The following CARMIL1 variants were observed in gnomAD, a reference collection of about 807,000 sequenced individuals.
The protein encoded by CARMIL1 is F-actin-uncapping protein LRRC16A.
CARMIL1 carries 90 observed loss-of-function variants against 177.1 expected under a neutral mutation model. That is an observed-to-expected ratio of 0.51 (90% CI 0.43 to 0.61). The LOEUF is 0.61. Ranked by LOEUF, CARMIL1 falls within the 20% of genes least tolerant of loss-of-function variation. CARMIL1 has a pLI of 0.00. For missense variants in CARMIL1, 1,380 were observed against 1,667.0 expected (o/e 0.83, Z 3.00); for synonymous variants, 577 against 606.2 (o/e 0.95, Z 0.71).
intron 23 of CARMIL1, among the ~76,000 whole-genome samples, chr6:25,521,264 G>C (rs1474957223): frequency 6.6e-6 from 1 of 152,198 alleles, no homozygotes; most frequent in Non-Finnish European, 1.5e-5. Flanking sequence ...AGCAGGCTTG[G>C]GGGGAAGCTA....
chr6:25,434,848 C>A (rs1797096807), intron 4 of CARMIL1, among the ~76,000 whole-genome samples: 1 of 152,140 alleles, frequency 6.6e-6, no homozygotes, highest in Non-Finnish European at 1.5e-5. Context: ...CTGTGCCCTG[C>A]CGATCGAAAC....
chr6:25,282,477 G>A (rs1781212836), intron 1 of CARMIL1, among the ~76,000 whole-genome samples: 2 of 152,092 alleles, frequency 1.3e-5, no homozygotes, highest in Non-Finnish European at 2.9e-5. Flanking sequence ...AGATTTCCAT[G>A]CTGTTCTTTA....
At chr6:25,591,492 C>T (rs372062800) in intron 31 of CARMIL1, among the ~76,000 whole-genome samples, 1 of 152,192 alleles carries the variant, frequency 6.6e-6, no homozygotes, top group Non-Finnish European at 1.5e-5. Flanking sequence ...AACAGCTGTT[C>T]TACCCTTTTC....
At chr6:25,345,083 C>A (rs1787362530) in intron 2 of CARMIL1, among the ~76,000 whole-genome samples, 1 of 152,118 alleles carries the variant, frequency 6.6e-6, no homozygotes, top group South Asian at 2.1e-4. Context: ...CAAGTTTGCA[C>A]CTTAACTCAC....
At chr6:25,616,609 G>GCATA (rs984563986) in intron 36 of CARMIL1, among the ~76,000 whole-genome samples, 2 of 151,984 alleles carry the variant, frequency 1.3e-5, no homozygotes, top group South Asian at 2.1e-4. Context: ...ATACATACAC[G>GCATA]CATACATACA....
intron 2 of CARMIL1, among the ~76,000 whole-genome samples, chr6:25,391,557 A>AG (rs1208334658): frequency 1.3e-5 from 2 of 152,234 alleles, no homozygotes; most frequent in Non-Finnish European, 2.9e-5. Context: ...TTTCTTCTTC[A>AG]GGGGCCTTGT....
intron 2 of CARMIL1, among the ~76,000 whole-genome samples, chr6:25,337,694 C>T (rs1438161818): frequency 1.3e-5 from 2 of 152,138 alleles, no homozygotes; most frequent in Non-Finnish European, 2.9e-5. Context: ...TGAGGCCAGC[C>T]AGGAATGAAG....
chr6:25,317,562 C>CTTTTTTTTTTTTT (rs33992407), intron 2 of CARMIL1, among the ~76,000 whole-genome samples: 2 of 107,160 alleles, frequency 1.9e-5, no homozygotes, highest in Non-Finnish European at 3.5e-5. Context: ...TTACTTAGGA[C>CTTTTTTTTTTTTT]TTTTTTTTTT....
chr6:25,417,937 AAG>A (rs1397544168), intron 2 of CARMIL1, among the ~76,000 whole-genome samples: 1 of 152,052 alleles, frequency 6.6e-6, no homozygotes, highest in African/African-American at 2.4e-5. Context: ...ATGCTCGACA[AAG>A]AGTAGCAACG....
chr6:25,510,054 C>A (rs1325778545), intron 18 of CARMIL1, among the ~76,000 whole-genome samples: 2 of 152,072 alleles, frequency 1.3e-5, no homozygotes, highest in East Asian at 3.8e-4. Flanking sequence ...TAAAATTGTA[C>A]TCTTGTTTAT....
At chr6:25,285,075 G>A (rs1054542541) in intron 2 of CARMIL1, among the ~76,000 whole-genome samples, 166 bp downstream of exon 2, 1 of 152,130 alleles carries the variant, frequency 6.6e-6, no homozygotes, top group South Asian at 2.1e-4. Flanking sequence ...TTTGTCAAAA[G>A]TTAAAAATAG....
Position 25,380,824 on chromosome 6 carries a change from G to T in CARMIL1, c.139-39290G>T, listed in dbSNP as rs561683313. ...TTTTCCTTTAAGGAGCCACAGTCTA[G>T]ACTGTGTACTCTTTTTTGCCAGATG... On this transcript the variant is annotated intron_variant, in intron 2 of 36. Coordinates refer to ENST00000329474, the MANE Select transcript of CARMIL1 (RefSeq NM_017640.6). Among the ~76,000 whole-genome samples the T allele has an allele frequency of 2.6e-5, 4 of 152,046 alleles. No homozygotes were observed. In the South Asian group the frequency reaches 8.3e-4, roughly 32 times the overall value.
intron 8 of CARMIL1, among the ~76,000 whole-genome samples, chr6:25,465,071 C>CA (rs558022196): frequency 0.22 from 13,417 of 61,888 alleles, 943 homozygotes; most frequent in African/African-American, 0.25. Context: ...AGAACTAAAG[C>CA]AAAAAAAAAA....
chr6:25,560,118 A>G (rs1810974311), intron 29 of CARMIL1, among the ~76,000 whole-genome samples: 1 of 152,214 alleles, frequency 6.6e-6, no homozygotes, highest in Non-Finnish European at 1.5e-5. Context: ...CTGAAGTAAG[A>G]ATGATTTGAG....
Position 25,556,782 on chromosome 6 carries a change from A to T in CARMIL1, c.2674A>T (p.Lys892Ter). ...CGAGCTGGCTGAGGAGAAGCCAGTT[A>T]AACGTTCCATCATCACAGTGGAGGA... is the stretch of plus-strand genomic sequence containing the variant. ...EIELAEEKPV[K>*]RSIITVEELT... Residue 892 changes from lysine to a stop codon, truncating the protein, a stop_gained, in exon 29 of 37, where the codon AAA becomes TAA. Coordinates refer to ENST00000329474, the MANE Select transcript of CARMIL1 (RefSeq NM_017640.6). LOFTEE classifies it high-confidence loss of function. 1.2e-6 allele frequency: 2 copies of T among 1,613,682 alleles called. No homozygotes were observed. Among genetic ancestry groups the T allele is most frequent in the South Asian group, 2.2e-5 (2 of 91,078 alleles).
chr6:25,471,098 C>A, intron 9 of CARMIL1, 71 bp from the exon 10 acceptor site: 2 of 989,506 alleles, frequency 2.0e-6, no homozygotes, highest in Non-Finnish European at 3.0e-6. Context: ...CTTTGCATTG[C>A]ATAGATTTAT....
At chr6:25,546,008 T>G (rs1562272036) in intron 26 of CARMIL1, among the ~76,000 whole-genome samples, 1 of 152,240 alleles carries the variant, frequency 6.6e-6, no homozygotes, top group Non-Finnish European at 1.5e-5. Context: ...AGGGTCATGA[T>G]GCCAACAACA....
chr6:25,557,172 G>T (rs377477616), intron 29 of CARMIL1, among the ~76,000 whole-genome samples: 1 of 152,076 alleles, frequency 6.6e-6, no homozygotes, highest in South Asian at 2.1e-4. Context: ...TGTGGAGAAA[G>T]ACTTTTTCAA....
At chr6:25,343,775 T>C (rs1787203274) in intron 2 of CARMIL1, among the ~76,000 whole-genome samples, 1 of 152,104 alleles carries the variant, frequency 6.6e-6, no homozygotes, top group Non-Finnish European at 1.5e-5. Flanking sequence ...ATCTCCTTGC[T>C]TTATTGGACA....
Sources: gnomAD v4.1 joint callset for allele counts (sites outside exome capture counted in the v4.1 genomes callset) on GRCh38, gnomAD v4.1.1 for gene constraint, MANE v1.5 for transcripts, NCBI Gene and HGNC (gene_info 2026-07-23, HGNC 2026-07-21) for gene names.